Variants in SENP7 observed in about 807,000 individuals in gnomAD.
SENP7 encodes the protein SUMO specific peptidase 7.
SENP7 carries 64 observed loss-of-function variants against 141.2 expected under a neutral mutation model. That is an observed-to-expected ratio of 0.45 (90% CI 0.37 to 0.56). SENP7 has a LOEUF of 0.56. Ranked by LOEUF, SENP7 falls within the 20% of genes least tolerant of loss-of-function variation. The pLI, the probability that SENP7 is intolerant of heterozygous loss-of-function variation, is 0.00. For synonymous variants in SENP7, 382 were observed against 426.4 expected (o/e 0.90, Z 1.28); for missense variants, 1,025 against 1,212.2 (o/e 0.85, Z 2.29).
Position 101,512,585 on chromosome 3 carries a change from C to T in SENP7, c.40+506G>A, listed in dbSNP as rs80284114. Reference sequence around the variant, plus strand: ...TTCAGCAGAACGAGACCCGGAGAGGCATTGTATCAAAGAAAAGGAGTCTCC... The same window carrying T: ...TTCAGCAGAACGAGACCCGGAGAGGTATTGTATCAAAGAAAAGGAGTCTCC... On this transcript the variant is annotated intron_variant, in intron 1 of 23. Coordinates refer to ENST00000394095, the MANE Select transcript of SENP7 (RefSeq NM_020654.5). 9.4e-3 allele frequency among the ~76,000 whole-genome samples: 1,435 copies of T among 152,266 alleles called. 26 individuals are homozygous for T. The highest frequency in any genetic ancestry group is 0.033 in the African/African-American group (1,381 of 41,534).
At chr3:101,431,723 G>T (rs2062182611) in intron 4 of SENP7, among the ~76,000 whole-genome samples, 1 of 151,852 alleles carries the variant, frequency 6.6e-6, no homozygotes, top group African/African-American at 2.4e-5. Flanking sequence ...GGCAGAGGTT[G>T]CAGTGCACCA....
intron 6 of SENP7, among the ~76,000 whole-genome samples, chr3:101,379,671 G>A (rs1044133056): frequency 3.9e-5 from 6 of 152,076 alleles, no homozygotes; most frequent in East Asian, 1.9e-4. Context: ...TCAAAAAAAC[G>A]AAAACAAGTA....
chr3:101,359,598 G>C lies in SENP7; in HGVS notation c.1623+2117C>G, dbSNP rs546352218. Among the ~76,000 whole-genome samples the C allele has an allele frequency of 3.8e-4, 58 of 151,440 alleles. No homozygotes were observed. In the Middle Eastern group the frequency reaches 0.01, roughly 27 times the overall value. ...TACTGTTTGTAATAGTAAAATATTG[G>C]GACAATTTGAAATGACCAACAATTA... On this transcript the variant is annotated intron_variant, in intron 11 of 23. Transcript: ENST00000394095.
At chr3:101,455,077 A>ATCT (rs57301292) in intron 4 of SENP7, among the ~76,000 whole-genome samples, 14,228 of 152,250 alleles carry the variant, frequency 0.093, 774 homozygotes, top group African/African-American at 0.15. Context: ...AACACAGGAG[A>ATCT]TAGAGTCAGC....
chr3:101,382,354 A>T (rs577436994), intron 6 of SENP7, among the ~76,000 whole-genome samples: 113 of 151,982 alleles, frequency 7.4e-4, no homozygotes, highest in African/African-American at 2.4e-3. Flanking sequence ...TTCTTTTTTT[A>T]AAAGTTTTTT....
intron 4 of SENP7, among the ~76,000 whole-genome samples, chr3:101,428,539 G>A (rs2062042179): frequency 6.6e-6 from 1 of 152,144 alleles, no homozygotes; most frequent in Non-Finnish European, 1.5e-5. Flanking sequence ...ACTTTTTGAT[G>A]AGGTTCTCTT....
At chr3:101,447,345 G>A (rs2062935883) in intron 4 of SENP7, among the ~76,000 whole-genome samples, 2 of 152,068 alleles carry the variant, frequency 1.3e-5, no homozygotes, top group African/African-American at 4.8e-5. Context: ...TGGAGGCTGA[G>A]GAATGAGGAT....
At position 101,325,954 on chromosome 3, in the gene SENP7, T is replaced by C; in HGVS notation, c.3142A>G (p.Ser1048Gly). 1 of 1,609,022 alleles carries C rather than the reference T, an allele frequency of 6.2e-7. No homozygotes were observed. The highest frequency in any genetic ancestry group is 8.5e-7 in the Non-Finnish European group (1 of 1,177,454). The change falls in exon 24 of 24, where the codon AGC (serine) becomes GGC (glycine). Residue 1048 changes from serine (S) to glycine (G), a missense_variant. Ser to Gly is a moderately conservative substitution (Grantham distance 56). Transcript: ENST00000394095. Reference sequence around the variant, plus strand: ...TTTGTACAGATTAACTAGCTACTGCTGCCCTTCTGTTGCTGTAAATGAAGT... The same window carrying C: ...TTTGTACAGATTAACTAGCTACTGCCGCCCTTCTGTTGCTGTAAATGAAGT... The part of the protein sequence containing the change: ...LKLHLQQQKG[S>G]SS
At chr3:101,459,955 T>C (rs1377364003) in intron 3 of SENP7, among the ~76,000 whole-genome samples, 1 of 152,114 alleles carries the variant, frequency 6.6e-6, no homozygotes, top group East Asian at 1.9e-4. Flanking sequence ...TCAAAAAGAA[T>C]AAAATACTCA....
intron 5 of SENP7, among the ~76,000 whole-genome samples, chr3:101,410,737 C>T (rs957364007): frequency 1.3e-5 from 2 of 151,980 alleles, no homozygotes; most frequent in Middle Eastern, 3.4e-3. Flanking sequence ...CCCAGCTACT[C>T]GGGAGGCTGA....
chr3:101,473,985 A>T (rs1224416716), intron 3 of SENP7, among the ~76,000 whole-genome samples: 1 of 152,176 alleles, frequency 6.6e-6, no homozygotes, highest in Non-Finnish European at 1.5e-5. Flanking sequence ...TTTATTGAAT[A>T]AGGAATCCTT....
chr3:101,435,369 C>G (rs1410947186), intron 4 of SENP7, among the ~76,000 whole-genome samples: 1 of 152,074 alleles, frequency 6.6e-6, no homozygotes, highest in South Asian at 2.1e-4. Context: ...CCCTTAAGAT[C>G]TAGAACACAA....
chr3:101,385,563 T>C (rs2060629789), intron 6 of SENP7, among the ~76,000 whole-genome samples: 1 of 152,180 alleles, frequency 6.6e-6, no homozygotes, highest in Non-Finnish European at 1.5e-5. Flanking sequence ...AATAGCAGTA[T>C]CACACAGCCA....
At chr3:101,489,356 A>C (rs531889532) in intron 3 of SENP7, among the ~76,000 whole-genome samples, 2 of 152,344 alleles carry the variant, frequency 1.3e-5, no homozygotes, top group African/African-American at 4.8e-5. Flanking sequence ...CTTAAAAGAC[A>C]TGGAGTGTCA....
At chr3:101,351,489 T>C (rs758049610) in intron 12 of SENP7, 129 bp downstream of exon 12, 1 of 674,472 alleles carries the variant, frequency 1.5e-6, no homozygotes, top group Non-Finnish European at 2.2e-6. Flanking sequence ...AAGTCCATTA[T>C]AAAACATTTT....
chr3:101,509,927 T>A (rs1322007671), intron 1 of SENP7, among the ~76,000 whole-genome samples: 1 of 152,198 alleles, frequency 6.6e-6, no homozygotes, highest in Non-Finnish European at 1.5e-5. Flanking sequence ...ATATTGAAGT[T>A]TGTGAAGTTC....
chr3:101,376,219 G>A (rs1487224065), intron 6 of SENP7, among the ~76,000 whole-genome samples: 2 of 152,162 alleles, frequency 1.3e-5, no homozygotes, highest in Non-Finnish European at 2.9e-5. Context: ...GGGAGTTAGA[G>A]TTTAATAGAT....
intron 3 of SENP7, among the ~76,000 whole-genome samples, chr3:101,463,402 T>TATATATATATATACACAC (rs1553744833): frequency 5.7e-4 from 58 of 101,240 alleles, no homozygotes; most frequent in African/African-American, 2.0e-3. Flanking sequence ...TATATACATA[T>TATATATATATATACACAC]ATATATATAT....
intron 4 of SENP7, among the ~76,000 whole-genome samples, chr3:101,444,607 T>C (rs1261545156): frequency 2.0e-5 from 3 of 151,878 alleles, no homozygotes; most frequent in Non-Finnish European, 4.4e-5. Flanking sequence ...ATGGATGAAA[T>C]TGGAAATCAT....
Sources: gnomAD v4.1 joint callset for allele counts (sites outside exome capture counted in the v4.1 genomes callset) on GRCh38, gnomAD v4.1.1 for gene constraint, MANE v1.5 for transcripts, NCBI Gene and HGNC (gene_info 2026-07-23, HGNC 2026-07-21) for gene names.